PLEKHH1: variants seen among roughly 807,000 people sequenced by gnomAD.
The protein encoded by PLEKHH1 is pleckstrin homology domain-containing family H member 1.
Under a neutral mutation model 160.0 loss-of-function variants are expected in PLEKHH1, and 104 were observed. The observed-to-expected ratio is 0.65, with a 90% CI of 0.55 to 0.76. The LOEUF (loss-of-function observed/expected upper bound fraction) is 0.76, where lower values mean the gene tolerates loss of function less well. Ranked by LOEUF, PLEKHH1 falls within the 30% of genes least tolerant of loss-of-function variation. The pLI is 0.00. For synonymous variants in PLEKHH1, 619 were observed against 678.4 expected, an observed-to-expected ratio of 0.91 and a Z score of 1.36; for missense variants, 1,427 against 1,724.1, an observed-to-expected ratio of 0.83 and a Z score of 3.05.
At chr14:67,535,491 C>T (rs2033676993) in intron 1 of PLEKHH1, among the ~76,000 whole-genome samples, 2 of 150,124 alleles carry the variant, frequency 1.3e-5, no homozygotes, top group African/African-American at 2.5e-5. Flanking sequence ...AGCAGTTCAC[C>T]TGCCTTAGCC....
intron 1 of PLEKHH1, among the ~76,000 whole-genome samples, chr14:67,540,964 A>G (rs1233304989): frequency 6.6e-6 from 1 of 152,142 alleles, no homozygotes; most frequent in Admixed American, 6.5e-5. Flanking sequence ...ATAGGTGTCT[A>G]CTTGATTTGT....
chr14:67,548,131 A>G (rs767238315), intron 2 of PLEKHH1, among the ~76,000 whole-genome samples: 11 of 152,216 alleles, frequency 7.2e-5, no homozygotes, highest in Non-Finnish European at 4.4e-5. Flanking sequence ...GAGAAGCCAC[A>G]AAGGCTATTC....
Position 67,562,028 on chromosome 14 carries a change from G to A in PLEKHH1, c.498G>A (p.Ala166=), listed in dbSNP as rs780838899. 172 of 1,612,868 alleles carry A rather than the reference G, an allele frequency of 1.1e-4. 4 individuals carry two copies. Among genetic ancestry groups the A allele is most frequent in the South Asian group, 6.9e-4 (63 of 91,060 alleles). ...AGCAGGTGGGATCCCTTCAAGATGCGCTAGAAGGTAGGCAGGCCAGGGTGT... is the reference window on the plus strand; with the variant it reads ...AGCAGGTGGGATCCCTTCAAGATGCACTAGAAGGTAGGCAGGCCAGGGTGT... ...LVEQVGSLQD[A]LEAIQIAPSR... is the part of the protein sequence containing the mutation. Residue 166 remains alanine (A), a synonymous_variant, in exon 6 of 29, where the codon GCG becomes GCA. Coordinates refer to ENST00000329153, the MANE Select transcript of PLEKHH1 (RefSeq NM_020715.3).
chr14:67,578,757 G>A lies in PLEKHH1; in HGVS notation c.2849+126G>A. On this transcript the variant is annotated intron_variant, in intron 20 of 28. Transcript: ENST00000329153. The surrounding 1 kb of genome is among the most constrained non-coding windows in gnomAD (Gnocchi z 5.0). ...CCTCTGAAACCGCTCAGTGGTCGTGGAGACTTCACCCATTGCCGTGTGCAC... is the reference window on the plus strand; with the variant it reads ...CCTCTGAAACCGCTCAGTGGTCGTGAAGACTTCACCCATTGCCGTGTGCAC... 1 of 704,482 alleles carries A rather than the reference G, an allele frequency of 1.4e-6. No individual in the cohort carries two copies. The highest frequency in any genetic ancestry group is 2.6e-6 in the Non-Finnish European group (1 of 390,534). The allele number at this position is 704,482 out of a possible 1,614,324, so 43.6% of individuals were successfully genotyped here.
Position 67,586,900 on chromosome 14 carries a change from T to A in PLEKHH1, c.3934-174T>A, listed in dbSNP as rs1566769742. 4.6e-6 allele frequency: 7 copies of A among 1,531,762 alleles called. No homozygotes were observed. In the South Asian group the frequency reaches 4.8e-5, roughly 11 times the overall value. 94.9% of individuals were successfully genotyped at this position (1,531,762 alleles called of 1,614,324 possible). ...CCAGACCAACAGGAGCCCACACCAC[T>A]GGGCCTCTGAACAGCACAGTTATGA... is the stretch of plus-strand genomic sequence containing the variant. On this transcript the variant is annotated intron_variant, in intron 28 of 28. Coordinates refer to ENST00000329153, the MANE Select transcript of PLEKHH1 (RefSeq NM_020715.3).
intron 1 of PLEKHH1, among the ~76,000 whole-genome samples, chr14:67,537,462 C>T (rs1487137301): frequency 2.7e-5 from 4 of 149,184 alleles, no homozygotes; most frequent in Non-Finnish European, 4.4e-5. Context: ...CCCAGGAGTT[C>T]GAGACCAGCC....
At chr14:67,565,116 G>A (rs1381529462) in intron 7 of PLEKHH1, among the ~76,000 whole-genome samples, 3 of 152,230 alleles carry the variant, frequency 2.0e-5, no homozygotes, top group Non-Finnish European at 4.4e-5. Flanking sequence ...GAGCCTGTGG[G>A]AAGGGCTCCT....
At position 67,579,968 on chromosome 14, in the gene PLEKHH1, T is replaced by A; in HGVS notation, c.3183+92T>A. The A allele has an allele frequency of 2.4e-6, 3 of 1,234,272 alleles. No homozygotes were observed. In the South Asian group the frequency reaches 4.3e-5, roughly 18 times the overall value. 76.5% of individuals were successfully genotyped at this position (1,234,272 alleles called of 1,614,324 possible). On this transcript the variant is annotated intron_variant, in intron 22 of 28. Transcript: ENST00000329153. The stretch of plus-strand genomic sequence containing the variant: ...CCCATCTGATGGGTGTCTGACTGTT[T>A]GGTAGCTCATTTGGTGCTGAGCCCA...
chr14:67,573,520 C>A lies in PLEKHH1; in HGVS notation c.1839+134C>A. 1.5e-6 allele frequency: 1 copy of A among 661,988 alleles called. No homozygotes were observed. The highest frequency in any genetic ancestry group is 2.6e-6 in the Non-Finnish European group (1 of 381,968). The allele number at this position is 661,988 out of a possible 1,614,324, so 41.0% of individuals were successfully genotyped here. On this transcript the variant is annotated intron_variant, in intron 12 of 28. Coordinates refer to ENST00000329153, the MANE Select transcript of PLEKHH1 (RefSeq NM_020715.3). The surrounding 1 kb of genome is among the most constrained non-coding windows in gnomAD (Gnocchi z 4.8). ...AGGTCTGGCAGGTGGGGAGAGGCAA[C>A]CTCACTGGGCCCCTGAGGCTTTGAG...
chr14:67,573,437 C>T lies in PLEKHH1; in HGVS notation c.1839+51C>T. On this transcript the variant is annotated intron_variant, in intron 12 of 28. Transcript: ENST00000329153. This position sits in a 1 kb window ranked among gnomAD's most constrained non-coding sequence, Gnocchi z 4.8. ...CAGTCAAAAGGTCTCCACATCACAC[C>T]CTGGACTATGTCAGATGGGACGGAG... 1 of 1,109,234 alleles carries T rather than the reference C, an allele frequency of 9.0e-7. No homozygotes were observed. The highest frequency in any genetic ancestry group is 1.4e-6 in the Non-Finnish European group (1 of 723,524). The allele number at this position is 1,109,234 out of a possible 1,614,324, so 68.7% of individuals were successfully genotyped here.
intron 4 of PLEKHH1, among the ~76,000 whole-genome samples, chr14:67,559,060 G>A (rs998069116): frequency 5.3e-5 from 8 of 152,294 alleles, no homozygotes; most frequent in African/African-American, 1.4e-4. Context: ...AGAGTCTGAC[G>A]TTGTCTGATG....
intron 2 of PLEKHH1, among the ~76,000 whole-genome samples, chr14:67,548,608 A>G (rs186789489): frequency 6.6e-6 from 1 of 152,294 alleles, no homozygotes; most frequent in African/African-American, 2.4e-5. Context: ...GAGGCAGGAG[A>G]ATCACTTGAA....
chr14:67,576,343 C>A lies in PLEKHH1; in HGVS notation c.2353-52C>A. On this transcript the variant is annotated intron_variant, in intron 16 of 28. Coordinates refer to ENST00000329153, the MANE Select transcript of PLEKHH1 (RefSeq NM_020715.3). This position sits in a 1 kb window ranked among gnomAD's most constrained non-coding sequence, Gnocchi z 4.0. Reference sequence around the variant, plus strand: ...CAAGGAGTCCTCCTTGGAGCTCTTGCCTCCACTCTTCCCACCCCGTCCCCA... The same window carrying A: ...CAAGGAGTCCTCCTTGGAGCTCTTGACTCCACTCTTCCCACCCCGTCCCCA... 2.9e-6 allele frequency: 3 copies of A among 1,028,126 alleles called. No individual in the cohort carries two copies. Among genetic ancestry groups the A allele is most frequent in the South Asian group, 1.4e-5 (1 of 70,748 alleles). 63.7% of individuals were successfully genotyped at this position (1,028,126 alleles called of 1,614,324 possible).
intron 27 of PLEKHH1, 141 bp from the exon 28 acceptor site, chr14:67,585,810 A>T: frequency 9.6e-7 from 1 of 1,038,904 alleles, no homozygotes; most frequent in Non-Finnish European, 1.4e-6. Context: ...CACTGCTTGT[A>T]GATATTCAAG....
chr14:67,548,697 C>CA (rs1276683117), intron 2 of PLEKHH1, among the ~76,000 whole-genome samples: 7 of 149,926 alleles, frequency 4.7e-5, no homozygotes, highest in South Asian at 2.1e-4. Context: ...AACTCTGTCT[C>CA]AAAAAAAAAG....
chr14:67,541,611 G>C lies in PLEKHH1; in HGVS notation c.-34-223G>C, dbSNP rs923059584. Reference sequence around the variant, plus strand: ...CTCCTTAAGGTTTCTCAGGTTTCGCGGTTTCCTGAGGCTCTCAGCTAACTT... The same window carrying C: ...CTCCTTAAGGTTTCTCAGGTTTCGCCGTTTCCTGAGGCTCTCAGCTAACTT... On this transcript the variant is annotated intron_variant, in intron 1 of 28. Transcript: ENST00000329153. Among the ~76,000 whole-genome samples, 3 of 152,242 alleles carry C rather than the reference G, an allele frequency of 2.0e-5. No individual in the cohort carries two copies. The South Asian group carries it at 6.2e-4, about 32-fold the overall frequency.
intron 24 of PLEKHH1, among the ~76,000 whole-genome samples, 192 bp from the exon 25 acceptor site, chr14:67,583,549 C>T (rs2036002198): frequency 6.6e-6 from 1 of 152,192 alleles, no homozygotes; most frequent in Non-Finnish European, 1.5e-5. Context: ...CTCTAATATT[C>T]GAGGGCCCTA....
At position 67,587,605 on chromosome 14, in the gene PLEKHH1, C is replaced by T. The variant is rs192408822; in HGVS notation, c.*370C>T. On this transcript the variant is annotated 3_prime_UTR_variant, in exon 29 of 29. Transcript: ENST00000329153. ...AAGCTAATTTTCTTTCTGGGGGGGG[C>T]GGGGGACACAGTGTCACTATGTCAC... is the stretch of plus-strand genomic sequence containing the variant. The T allele has an allele frequency of 1.9e-3, 516 of 268,042 alleles. 3 individuals carry two copies. Among genetic ancestry groups the T allele is most frequent in the African/African-American group, 0.011 (478 of 43,414 alleles). 16.6% of individuals were successfully genotyped at this position (268,042 alleles called of 1,614,324 possible).
intron 7 of PLEKHH1, among the ~76,000 whole-genome samples, chr14:67,565,984 G>T (rs1390722805): frequency 6.6e-6 from 1 of 152,118 alleles, no homozygotes; most frequent in Non-Finnish European, 1.5e-5. Flanking sequence ...TTTGGGCATG[G>T]TGGTGCACGC....
Sources: allele counts gnomAD v4.1 joint callset (sites outside exome capture counted in the v4.1 genomes callset), GRCh38; gene constraint gnomAD v4.1.1; non-coding constraint Gnocchi (gnomAD v3.1); transcripts MANE v1.5; gene names NCBI Gene and HGNC (gene_info 2026-07-23, HGNC 2026-07-21).